Variants in HORMAD1 observed in about 807,000 individuals in gnomAD.
The protein encoded by HORMAD1 is HORMA domain-containing protein 1.
A neutral mutation model predicts 58.2 loss-of-function variants in HORMAD1; 33 were observed. That is an observed-to-expected ratio of 0.57 (90% CI 0.43 to 0.76). The LOEUF is 0.76. Ranked by LOEUF, HORMAD1 falls within the 30% of genes least tolerant of loss-of-function variation. The pLI, the probability that HORMAD1 is intolerant of heterozygous loss-of-function variation, is 0.00. For missense variants in HORMAD1, 363 were observed against 462.0 expected (o/e 0.79, Z 1.96); for synonymous variants, 137 against 144.6 (o/e 0.95, Z 0.38).
At chr1:150,703,222 G>A (rs1320074054) in intron 13 of HORMAD1, 88 bp downstream of exon 13, 1 of 739,142 alleles carries the variant, frequency 1.4e-6, no homozygotes, top group Non-Finnish European at 2.3e-6. Context: ...AGTAAATACT[G>A]GTTTAATAAA....
intron 5 of HORMAD1, among the ~76,000 whole-genome samples, chr1:150,712,609 C>T (rs1651935709): frequency 6.6e-6 from 1 of 152,172 alleles, no homozygotes; most frequent in South Asian, 2.1e-4. Context: ...AGTACAGTGG[C>T]ATGATCTCAG....
Position 150,711,862 on chromosome 1 carries a change from C to T in HORMAD1, c.280-9G>A, listed in dbSNP as rs1291001757. 4 of 1,549,298 alleles carry T rather than the reference C, an allele frequency of 2.6e-6. No homozygotes were observed. Among genetic ancestry groups the T allele is most frequent in the Non-Finnish European group, 2.7e-6 (3 of 1,126,446 alleles). On this transcript the variant is annotated splice_polypyrimidine_tract_variant and intron_variant, in intron 5 of 14. Transcript: ENST00000361824. ...AGAACAACCATCCTTAGCTGAAATA[C>T]AACAAAGAACAAAAATCTTACTTGT...
chr1:150,714,792 T>A (rs587735589), intron 3 of HORMAD1, 114 bp from the exon 4 acceptor site: 12 of 417,968 alleles, frequency 2.9e-5, no homozygotes, highest in African/African-American at 2.1e-4. Context: ...TTATTATAAT[T>A]ATTATTATTT....
rs765681844 is a variant in HORMAD1 at position 150,707,753 on chromosome 1, C to T, written c.547+503G>A. 7.9e-5 allele frequency among the ~76,000 whole-genome samples: 12 copies of T among 152,198 alleles called. No individual in the cohort carries two copies. In the East Asian group the frequency reaches 9.7e-4, roughly 12 times the overall value. ...GAGTTCAAGACTAGCCTGGCCAACA[C>T]GGTGAAACCCCATCTGTACTAAAAA... is the stretch of plus-strand genomic sequence containing the variant. On this transcript the variant is annotated intron_variant, in intron 9 of 14. Transcript: ENST00000361824.
chr1:150,699,178 A>T (rs1233358250), intron 14 of HORMAD1, among the ~76,000 whole-genome samples: 1 of 152,206 alleles, frequency 6.6e-6, no homozygotes, highest in Admixed American at 6.5e-5. Context: ...CAGTTGTTTA[A>T]TTCTAACCTA....
intron 13 of HORMAD1, among the ~76,000 whole-genome samples, chr1:150,703,025 A>G (rs1178241720): frequency 1.3e-5 from 2 of 152,178 alleles, no homozygotes; most frequent in African/African-American, 4.8e-5. Flanking sequence ...CCTCTCTTTA[A>G]TATACCTTCA....
intron 9 of HORMAD1, 58 bp from the exon 10 acceptor site, chr1:150,706,867 T>C: frequency 7.1e-7 from 1 of 1,403,526 alleles, no homozygotes; most frequent in Non-Finnish European, 9.6e-7. Context: ...ATATAATTAT[T>C]ATTATAAAAA....
chr1:150,711,685 C>A, intron 6 of HORMAD1, 114 bp from the exon 7 acceptor site: 1 of 966,682 alleles, frequency 1.0e-6, no homozygotes, highest in South Asian at 1.4e-5. Flanking sequence ...TAAAAATGAC[C>A]ACCCAAAATA....
At chr1:150,718,784 C>T (rs917335916) in intron 2 of HORMAD1, among the ~76,000 whole-genome samples, 1 of 152,012 alleles carries the variant, frequency 6.6e-6, no homozygotes, top group Non-Finnish European at 1.5e-5. Context: ...GCCACCGTGC[C>T]CGGCCTCATT....
chr1:150,720,387 G>A (rs1204272457), intron 1 of HORMAD1, among the ~76,000 whole-genome samples: 2 of 152,110 alleles, frequency 1.3e-5, no homozygotes, highest in Non-Finnish European at 2.9e-5. Flanking sequence ...ATTTTTAGTG[G>A]AGACGGGGTT....
intron 13 of HORMAD1, among the ~76,000 whole-genome samples, chr1:150,700,475 T>G (rs1651503851): frequency 6.6e-6 from 1 of 152,190 alleles, no homozygotes; most frequent in Admixed American, 6.5e-5. Context: ...ACAGCTTTAT[T>G]GAGATATAAT....
chr1:150,700,058 T>G, intron 14 of HORMAD1, 54 bp downstream of exon 14: 1 of 828,606 alleles, frequency 1.2e-6, no homozygotes, highest in South Asian at 1.5e-5. Context: ...TCTGTAGTAA[T>G]GATATTCTGA....
At chr1:150,711,892 TATAAA>T (rs1330310251) in intron 5 of HORMAD1, 39 bp from the exon 6 acceptor site, 3 of 1,378,042 alleles carry the variant, frequency 2.2e-6, no homozygotes, top group Admixed American at 1.8e-5. Flanking sequence ...ACTTGTAGTC[TATAAA>T]ATAATTTTTC....
chr1:150,720,075 T>TATAC (rs1652202551), intron 1 of HORMAD1, among the ~76,000 whole-genome samples: 1 of 73,852 alleles, frequency 1.4e-5, no homozygotes. Flanking sequence ...CATATATATA[T>TATAC]ATACAATTTT....
In HORMAD1 at chr1:150,717,159, A is replaced by T; in HGVS notation, c.157T>A (p.Tyr53Asn). The change falls in exon 3 of 15, where the codon TAT becomes AAT. Residue 53 changes from tyrosine to asparagine, a missense_variant. Physicochemically the swap from Tyr to Asn is moderately radical, Grantham distance 143. Coordinates refer to ENST00000361824, the MANE Select transcript of HORMAD1 (RefSeq NM_032132.5). ...YLRGIFPECA[Y>N]GTRYLDDLCV... ...TTACCATCTAGATATCTTGTTCCAT[A>T]AGCGCATTCTGGGAATATTCCCCTC... 1 of 1,576,120 alleles carries T rather than the reference A, an allele frequency of 6.3e-7. No individual in the cohort carries two copies. The highest frequency in any genetic ancestry group is 8.6e-7 in the Non-Finnish European group (1 of 1,157,720).
At chr1:150,717,043 A>G (rs778586231) in intron 3 of HORMAD1, 95 bp downstream of exon 3, 3 of 709,446 alleles carry the variant, frequency 4.2e-6, no homozygotes, top group Non-Finnish European at 6.7e-6. Context: ...AGCTTCTATT[A>G]AAATAAAATT....
intron 12 of HORMAD1, 104 bp from the exon 13 acceptor site, chr1:150,703,497 T>C: frequency 1.6e-6 from 1 of 631,246 alleles, no homozygotes; most frequent in Middle Eastern, 4.3e-4. Flanking sequence ...ATTTAGGGTC[T>C]TGTCAAGTTA....
chr1:150,708,306 G>A lies in HORMAD1; in HGVS notation c.497C>T (p.Pro166Leu). 6.2e-7 allele frequency: 1 copy of A among 1,608,366 alleles called. No homozygotes were observed. The highest frequency in any genetic ancestry group is 8.5e-7 in the Non-Finnish European group (1 of 1,177,468). The part of the protein sequence containing the change: ...KIYILMQNLG[P>L]LPNDVCLTMK... ...GGTCAAACAAACATCATTAGGTAAAGGCCCCAGATTTTGCATTAGGATATA... is the reference window on the plus strand; with the variant it reads ...GGTCAAACAAACATCATTAGGTAAAAGCCCCAGATTTTGCATTAGGATATA... The change falls in exon 9 of 15, where the codon CCT (proline) becomes CTT (leucine). Residue 166 changes from proline (P) to leucine (L), a missense_variant. Coordinates refer to ENST00000361824, the MANE Select transcript of HORMAD1 (RefSeq NM_032132.5).
Position 150,706,544 on chromosome 1 carries a change from TAC to T in HORMAD1, c.804+7_804+8del. 1 of 1,582,522 alleles carries T rather than the reference TAC, an allele frequency of 6.3e-7. No individual in the cohort carries two copies. The highest frequency in any genetic ancestry group is 8.6e-7 in the Non-Finnish European group (1 of 1,159,600). On this transcript the variant is annotated splice_region_variant and intron_variant, in intron 10 of 14. Transcript: ENST00000361824. Reference sequence around the variant, plus strand: ...TTATTGTTCTTTATAACTCTTGAAATACACTTACACTTGTATAATGCTCCTGT... The same window carrying T: ...TTATTGTTCTTTATAACTCTTGAAATACTTACACTTGTATAATGCTCCTGT...
Sources: allele counts gnomAD v4.1 joint callset (sites outside exome capture counted in the v4.1 genomes callset), GRCh38; gene constraint gnomAD v4.1.1; transcripts MANE v1.5; gene names NCBI Gene and HGNC (gene_info 2026-07-23, HGNC 2026-07-21).